IFT25: variants seen among roughly 807,000 people sequenced by gnomAD.
The protein encoded by IFT25 is intraflagellar transport protein 25 homolog.
the IFT25 span, among the ~76,000 whole-genome samples, chr1:53,927,222 T>C: frequency 6.6e-6 from 1 of 152,250 alleles, no homozygotes; most frequent in Non-Finnish European, 1.5e-5. Context: ...TTGAAAACTG[T>C]GTGCATGAGC....
At chr1:53,918,503 A>G in the IFT25 span, among the ~76,000 whole-genome samples, 1 of 152,048 alleles carries the variant, frequency 6.6e-6, no homozygotes, top group Non-Finnish European at 1.5e-5. Flanking sequence ...TCTTCATCTC[A>G]TTGGCCAGAA....
chr1:53,941,375 C>T, the IFT25 span, among the ~76,000 whole-genome samples: 1 of 152,212 alleles, frequency 6.6e-6, no homozygotes, highest in Non-Finnish European at 1.5e-5. Context: ...AAGGCATGCA[C>T]CACTGTGCCC....
the IFT25 span, among the ~76,000 whole-genome samples, chr1:53,917,972 C>T: frequency 6.6e-6 from 1 of 152,132 alleles, no homozygotes; most frequent in African/African-American, 2.4e-5. Context: ...ATTTTTTATG[C>T]CACTGACTTT....
the IFT25 span, chr1:53,921,908 T>G: frequency 3.3e-6 from 2 of 601,742 alleles, no homozygotes; most frequent in Admixed American, 5.8e-5. Context: ...ATATAATAGT[T>G]GTGGTACATA....
At chr1:53,918,444 G>C in the IFT25 span, among the ~76,000 whole-genome samples, 1 of 152,156 alleles carries the variant, frequency 6.6e-6, no homozygotes, top group African/African-American at 2.4e-5. Context: ...AAAGAACTCC[G>C]AAGGGTCTCA....
the IFT25 span, chr1:53,924,058 T>C: frequency 2.8e-6 from 2 of 722,524 alleles, no homozygotes; most frequent in South Asian, 3.2e-5. Context: ...TGAGACCAGG[T>C]TTGAAGGAAT....
the IFT25 span, among the ~76,000 whole-genome samples, chr1:53,944,817 A>T: frequency 3.3e-5 from 5 of 152,092 alleles, 1 homozygote; most frequent in African/African-American, 1.2e-4. Context: ...TGTCTTCTAA[A>T]CCAGTGCCAC....
At chr1:53,921,091 T>C in the IFT25 span, among the ~76,000 whole-genome samples, 1 of 152,100 alleles carries the variant, frequency 6.6e-6, no homozygotes, top group African/African-American at 2.4e-5. Context: ...GAGGATGGCT[T>C]GAGTCCAGGG....
the IFT25 span, chr1:53,921,573 C>T: frequency 1.2e-6 from 1 of 814,950 alleles, no homozygotes; most frequent in South Asian, 1.5e-5. Flanking sequence ...GATAAAAATC[C>T]TTTTAATAAA....
the IFT25 span, among the ~76,000 whole-genome samples, chr1:53,924,999 T>C: frequency 3.3e-5 from 5 of 152,256 alleles, no homozygotes; most frequent in Non-Finnish European, 7.3e-5. Context: ...TAATCTGCTT[T>C]ACCCCTTCTT....
the IFT25 span, among the ~76,000 whole-genome samples, chr1:53,913,278 C>G: frequency 6.6e-6 from 1 of 152,210 alleles, no homozygotes; most frequent in African/African-American, 2.4e-5. Flanking sequence ...TAGACTTCAG[C>G]AGAAGCCATG....
chr1:53,928,621 T>C, the IFT25 span: 1 of 538,048 alleles, frequency 1.9e-6, no homozygotes, highest in East Asian at 3.0e-5. Flanking sequence ...AATATAGTCT[T>C]GTGTAACTAA....
the IFT25 span, chr1:53,928,586 A>C: frequency 1.7e-6 from 1 of 582,832 alleles, no homozygotes; most frequent in Non-Finnish European, 3.0e-6. Flanking sequence ...GTTACTCTGT[A>C]TGTTTCCAAA....
the IFT25 span, among the ~76,000 whole-genome samples, chr1:53,922,872 A>T: frequency 3.3e-5 from 5 of 152,372 alleles, no homozygotes; most frequent in East Asian, 9.6e-4. Flanking sequence ...AGAAGAAAAT[A>T]AATACAGTAA....
At chr1:53,943,166 A>G in the IFT25 span, among the ~76,000 whole-genome samples, 7 of 152,234 alleles carry the variant, frequency 4.6e-5, no homozygotes, top group African/African-American at 1.7e-4. Context: ...ACTTTCGTTC[A>G]AAGTAAAGAT....
the IFT25 span, among the ~76,000 whole-genome samples, chr1:53,920,900 C>T: frequency 2.0e-5 from 3 of 151,304 alleles, no homozygotes; most frequent in South Asian, 4.2e-4. Flanking sequence ...AGGCCGGGTG[C>T]GGTGGCTCAT....
At chr1:53,933,543 C>A in the IFT25 span, among the ~76,000 whole-genome samples, 2 of 152,214 alleles carry the variant, frequency 1.3e-5, no homozygotes, top group Non-Finnish European at 2.9e-5. Context: ...ACTACAGCGA[C>A]TTTCTTATGT....
chr1:53,913,006 C>G, the IFT25 span, among the ~76,000 whole-genome samples: 2 of 152,176 alleles, frequency 1.3e-5, no homozygotes, highest in African/African-American at 4.8e-5. Context: ...TTTTACCAAG[C>G]CATTGTACTC....
chr1:53,933,324 C>T, the IFT25 span, among the ~76,000 whole-genome samples: 4 of 151,850 alleles, frequency 2.6e-5, no homozygotes, highest in South Asian at 2.1e-4. Context: ...TTAGTAGATA[C>T]GGGGTTTCAC....
Sources: allele counts gnomAD v4.1 joint callset (sites outside exome capture counted in the v4.1 genomes callset), GRCh38; gene constraint gnomAD v4.1.1; transcripts MANE v1.5; gene names NCBI Gene and HGNC (gene_info 2026-07-23, HGNC 2026-07-21).